Variants in LRP2 observed in about 807,000 individuals in gnomAD.
The protein encoded by LRP2 is low-density lipoprotein receptor-related protein 2.
In LRP2, 172 loss-of-function variants were observed where a neutral mutation model predicts 531.0. The observed-to-expected ratio is 0.32, with a 90% CI of 0.29 to 0.37. LRP2 has a LOEUF of 0.37. Among genes scored for constraint, LRP2 ranks in the 10% least tolerant of loss-of-function variants. The pLI is 1.00. For missense variants in LRP2, 5,167 were observed against 5,868.3 expected, an observed-to-expected ratio of 0.88 and a Z score of 3.90; for synonymous variants, 1,992 against 2,027.6, an observed-to-expected ratio of 0.98 and a Z score of 0.47.
chr2:169,291,018 A>T (rs773360810), intron 7 of LRP2, 21 bp from the exon 8 acceptor site: 3 of 1,613,162 alleles, frequency 1.9e-6, no homozygotes, highest in South Asian at 1.1e-5. Context: ...AAAAAGAGAG[A>T]GTTACAGGCC....
At chr2:169,195,514 A>G (rs1447026898) in intron 46 of LRP2, among the ~76,000 whole-genome samples, 2 of 152,148 alleles carry the variant, frequency 1.3e-5, no homozygotes, top group Admixed American at 6.6e-5. Flanking sequence ...TCTGAATATT[A>G]TTACTTTACT....
At position 169,246,788 on chromosome 2, in the gene LRP2, C is replaced by T; in HGVS notation, c.3107G>A (p.Gly1036Asp). The T allele has an allele frequency of 6.2e-7, 1 of 1,614,174 alleles. No individual in the cohort carries two copies. Among genetic ancestry groups the T allele is most frequent in the South Asian group, 1.1e-5 (1 of 91,084 alleles). Residue 1036 changes from glycine to aspartate, a missense_variant, in exon 21 of 79, where the codon GGC becomes GAC. Transcript: ENST00000649046. ...GAGATAGTAATTGGGCACACATCTG[C>T]CATTTTTACAGGGGAAGGAAAATAA... Reference protein sequence around the residue: ...CGLFSFPCKNGRCVPNYYLCD... With the variant: ...CGLFSFPCKNDRCVPNYYLCD...
At chr2:169,207,289 A>G in intron 38 of LRP2, 39 bp from the exon 39 acceptor site, 1 of 1,441,628 alleles carries the variant, frequency 6.9e-7, no homozygotes, top group Non-Finnish European at 9.8e-7. Flanking sequence ...TCAATGGAGA[A>G]CCAAGAAGAA....
In LRP2 at chr2:169,235,534, C is replaced by T. The variant is rs115309443; in HGVS notation, c.4920+306G>A. Among the ~76,000 whole-genome samples, 2,687 of 152,268 alleles carry T rather than the reference C, an allele frequency of 0.018. 73 individuals carry two copies. The highest frequency in any genetic ancestry group is 0.061 in the African/African-American group (2,554 of 41,546). On this transcript the variant is annotated intron_variant, in intron 29 of 78. Transcript: ENST00000649046. ...GATCACAGGCGTGAGCCACCGCGCC[C>T]GGCCACCTGACACAATTTTTAAAGG...
chr2:169,278,095 G>GTTT (rs113905285), intron 12 of LRP2, 144 bp from the exon 13 acceptor site: 2 of 562,360 alleles, frequency 3.6e-6, no homozygotes, highest in Non-Finnish European at 6.2e-6. Context: ...AAATTAAGTT[G>GTTT]TTTTTTTTTT....
intron 1 of LRP2, among the ~76,000 whole-genome samples, chr2:169,326,364 C>T (rs1185676827): frequency 3.3e-5 from 5 of 150,810 alleles, no homozygotes; most frequent in South Asian, 2.1e-4. Context: ...TGCAGGCGCG[C>T]GCCACCACGC....
Position 169,276,784 on chromosome 2 carries a change from A to G in LRP2, c.1772+961T>C, listed in dbSNP as rs190995523. 5.7e-3 allele frequency among the ~76,000 whole-genome samples: 866 copies of G among 152,298 alleles called. 2 individuals are homozygous for G. The highest frequency in any genetic ancestry group is 8.5e-3 in the Non-Finnish European group (578 of 68,022). ...CACAAAGAATAATATTTTGGGTCAA[A>G]ATTTGAAGAACATGTTTTACCCAAT... is the stretch of plus-strand genomic sequence containing the variant. On this transcript the variant is annotated intron_variant, in intron 13 of 78. Transcript: ENST00000649046.
intron 3 of LRP2, among the ~76,000 whole-genome samples, chr2:169,315,364 T>G (rs1336494544): frequency 1.3e-5 from 2 of 152,180 alleles, no homozygotes; most frequent in African/African-American, 4.8e-5. Context: ...TCCAGGAACT[T>G]AATTCACTCT....
chr2:169,182,712 CT>C, intron 50 of LRP2: 20 of 737,384 alleles, frequency 2.7e-5, no homozygotes, highest in Non-Finnish European at 3.3e-5. Flanking sequence ...ACACACTTGT[CT>C]AAGTGTGTCA....
chr2:169,157,313 G>A (rs1686367535), intron 64 of LRP2, 58 bp downstream of exon 64: 14 of 1,544,688 alleles, frequency 9.1e-6, no homozygotes, highest in Non-Finnish European at 1.8e-6. Context: ...AGGGGAGTGG[G>A]TGGAGAACCT....
At chr2:169,294,049 A>G in intron 6 of LRP2, 99 bp downstream of exon 6, 2 of 817,458 alleles carry the variant, frequency 2.4e-6, no homozygotes, top group Admixed American at 3.7e-5. Context: ...TTGAAAAAAG[A>G]GGTACATTGG....
intron 35 of LRP2, among the ~76,000 whole-genome samples, chr2:169,214,199 C>G (rs985884841): frequency 6.6e-6 from 1 of 152,088 alleles, no homozygotes; most frequent in Non-Finnish European, 1.5e-5. Flanking sequence ...AACATCTAAG[C>G]GTGGGCCATT....
intron 48 of LRP2, among the ~76,000 whole-genome samples, chr2:169,190,663 C>A (rs1020079391): frequency 7.9e-5 from 12 of 152,140 alleles, no homozygotes; most frequent in Admixed American, 3.9e-4. Context: ...TCTCAATGTG[C>A]CTGTGTGTGT....
Position 169,270,946 on chromosome 2 carries a change from T to C in LRP2, c.2278A>G (p.Met760Val). 6.2e-7 allele frequency: 1 copy of C among 1,613,184 alleles called. No individual in the cohort carries two copies. Among genetic ancestry groups the C allele is most frequent in the Non-Finnish European group, 8.5e-7 (1 of 1,179,602 alleles). The change falls in exon 16 of 79, where the codon ATG becomes GTG. Residue 760 changes from methionine to valine, a missense_variant. Met to Val is a conservative substitution (Grantham distance 21). Transcript: ENST00000649046. ...TGCTTAAAAATCATGTGTTTTGACA[T>C]ATCTGAAAAAAAGATAGTGCTGTCC... is the stretch of plus-strand genomic sequence containing the variant. ...AQDSTIFFSD[M>V]SKHMIFKQKI...
chr2:169,248,168 A>G (rs1690087515), intron 19 of LRP2, among the ~76,000 whole-genome samples: 1 of 152,208 alleles, frequency 6.6e-6, no homozygotes, highest in South Asian at 2.1e-4. Flanking sequence ...CAATGGTAAG[A>G]GAGAGGCGAC....
intron 16 of LRP2, among the ~76,000 whole-genome samples, chr2:169,264,913 C>T (rs1239017604): frequency 6.6e-6 from 1 of 151,996 alleles, no homozygotes; most frequent in African/African-American, 2.4e-5. Context: ...GTTCAAGGCA[C>T]AGTCCTCAAC....
intron 52 of LRP2, 102 bp from the exon 53 acceptor site, chr2:169,178,128 A>C: frequency 1.1e-6 from 1 of 872,976 alleles, no homozygotes. Context: ...TCTACCTCCT[A>C]GAGATAATAT....
At chr2:169,312,007 A>G (rs570468760) in intron 3 of LRP2, among the ~76,000 whole-genome samples, 1 of 152,264 alleles carries the variant, frequency 6.6e-6, no homozygotes, top group East Asian at 1.9e-4. Context: ...GTTTTATCAG[A>G]GACTAGGATT....
Position 169,212,171 on chromosome 2 carries a change from A to G in LRP2, c.6077T>C (p.Met2026Thr), listed in dbSNP as rs764712860. The G allele has an allele frequency of 6.2e-7, 1 of 1,614,076 alleles. No homozygotes were observed. Among genetic ancestry groups the G allele is most frequent in the Non-Finnish European group, 8.5e-7 (1 of 1,179,934 alleles). The stretch of plus-strand genomic sequence containing the variant: ...CAGGCAAATCTGCTGACAGGCATTC[A>G]TGTTGTTGCTACAGCCATTTGAGGA... The part of the protein sequence containing the change: ...AESSNGCSNN[M>T]NACQQICLPV... Residue 2026 changes from methionine to threonine, a missense_variant, in exon 37 of 79, where the codon ATG becomes ACG. Met to Thr is a moderately conservative substitution (Grantham distance 81). This residue lies in a region of LRP2 where 2,811 missense variants were observed against 3,058.0 expected (regional missense o/e 0.92). Transcript: ENST00000649046.
Sources: allele counts gnomAD v4.1 joint callset (sites outside exome capture counted in the v4.1 genomes callset), GRCh38; gene constraint gnomAD v4.1.1; regional missense constraint gnomAD v4.1.1; transcripts MANE v1.5; gene names NCBI Gene and HGNC (gene_info 2026-07-23, HGNC 2026-07-21).